CAST: variants seen among roughly 807,000 people sequenced by gnomAD.
CAST encodes the protein MIR583 host.
Under a neutral mutation model 119.6 loss-of-function variants are expected in CAST, and 76 were observed. That is an observed-to-expected ratio of 0.64 (90% CI 0.53 to 0.77). CAST has a LOEUF of 0.77. Among genes scored for constraint, CAST ranks in the 30% least tolerant of loss-of-function variants. CAST has a pLI of 0.00. For missense variants in CAST, 953 were observed against 946.5 expected (o/e 1.01, Z -0.09); for synonymous variants, 319 against 331.6 (o/e 0.96, Z 0.41).
At chr5:96,689,901 A>C (rs985763639) in intron 2 of CAST, among the ~76,000 whole-genome samples, 1 of 152,036 alleles carries the variant, frequency 6.6e-6, no homozygotes, top group African/African-American at 2.4e-5. Flanking sequence ...CTTTTCATTC[A>C]AGATTATATA....
At chr5:96,363,304 A>T in the CAST span, among the ~76,000 whole-genome samples, 2,840 of 148,658 alleles carry the variant, frequency 0.019, 81 homozygotes, top group African/African-American at 0.068. Flanking sequence ...CTTAGGATTG[A>T]CTTGGCAATG....
intron 1 of CAST, among the ~76,000 whole-genome samples, chr5:96,580,274 T>C (rs1022197031): frequency 1.3e-5 from 2 of 152,196 alleles, no homozygotes; most frequent in African/African-American, 4.8e-5. Flanking sequence ...AAAAGTATCG[T>C]AAATCAGAAT....
chr5:96,261,478 G>A, the CAST span, among the ~76,000 whole-genome samples: 2 of 152,162 alleles, frequency 1.3e-5, no homozygotes, highest in Admixed American at 1.3e-4. Context: ...TGATGCAGAA[G>A]GGATGTGCAG....
chr5:96,193,290 A>C, the CAST span, among the ~76,000 whole-genome samples: 1 of 152,184 alleles, frequency 6.6e-6, no homozygotes, highest in Non-Finnish European at 1.5e-5. Context: ...TATATTTACT[A>C]TGATATCATG....
the CAST span, among the ~76,000 whole-genome samples, chr5:96,326,201 G>A: frequency 1.3e-5 from 2 of 152,060 alleles, no homozygotes; most frequent in Non-Finnish European, 2.9e-5. Flanking sequence ...TTCTTCTGGT[G>A]CTGCTGCTTT....
chr5:96,440,679 A>G, the CAST span, among the ~76,000 whole-genome samples: 4 of 152,172 alleles, frequency 2.6e-5, no homozygotes, highest in Non-Finnish European at 4.4e-5. Flanking sequence ...GGGTAGGGCC[A>G]TACATACACA....
At chr5:96,744,843 C>G (rs1236097408) in intron 16 of CAST, among the ~76,000 whole-genome samples, 1 of 152,194 alleles carries the variant, frequency 6.6e-6, no homozygotes, top group Non-Finnish European at 1.5e-5. Flanking sequence ...CCCATGCCTA[C>G]TTGGTATTCC....
the CAST span, among the ~76,000 whole-genome samples, chr5:96,153,046 T>A: frequency 6.6e-6 from 1 of 152,262 alleles, no homozygotes; most frequent in African/African-American, 2.4e-5. Flanking sequence ...ATATCAGACC[T>A]TAAGATAGGC....
chr5:96,127,999 CATG>C, the CAST span, among the ~76,000 whole-genome samples: 5 of 152,088 alleles, frequency 3.3e-5, no homozygotes, highest in Non-Finnish European at 5.9e-5. Flanking sequence ...TGAATAAGGT[CATG>C]ATGAGTTTCT....
chr5:96,329,407 G>A, the CAST span, among the ~76,000 whole-genome samples: 1 of 152,182 alleles, frequency 6.6e-6, no homozygotes, highest in African/African-American at 2.4e-5. Flanking sequence ...GCTCCCTCAG[G>A]AAAAAGCTGA....
the CAST span, among the ~76,000 whole-genome samples, chr5:96,279,858 G>A: frequency 3.7e-3 from 564 of 152,344 alleles, 17 homozygotes; most frequent in Admixed American, 0.034. Flanking sequence ...TCCAAGTTCA[G>A]TGGTCCTAGA....
chr5:96,226,444 A>C, the CAST span, among the ~76,000 whole-genome samples: 2 of 152,246 alleles, frequency 1.3e-5, no homozygotes, highest in South Asian at 4.1e-4. Context: ...TGAGCTCAGG[A>C]GTTCGAGACC....
chr5:95,974,182 A>G, the CAST span, among the ~76,000 whole-genome samples: 1 of 152,188 alleles, frequency 6.6e-6, no homozygotes, highest in East Asian at 1.9e-4. Context: ...CCACCCATTG[A>G]TAACCAGCTT....
At chr5:96,333,258 G>A in the CAST span, among the ~76,000 whole-genome samples, 1 of 152,018 alleles carries the variant, frequency 6.6e-6, no homozygotes, top group South Asian at 2.1e-4. Flanking sequence ...TGTACAGTGT[G>A]TTCCTGGTGG....
the CAST span, among the ~76,000 whole-genome samples, chr5:96,106,149 C>T: frequency 1.1e-3 from 170 of 152,086 alleles, no homozygotes; most frequent in Non-Finnish European, 1.9e-3. Flanking sequence ...GTCTTGCTAG[C>T]GGCCTATCAA....
intron 1 of CAST, among the ~76,000 whole-genome samples, chr5:96,535,564 A>ATTT (rs767087154): frequency 1.2e-4 from 11 of 88,428 alleles, no homozygotes; most frequent in Non-Finnish European, 1.8e-4. Context: ...TAAATAAACA[A>ATTT]TTTTTTTTTT....
At chr5:96,039,302 A>T in the CAST span, among the ~76,000 whole-genome samples, 5 of 151,978 alleles carry the variant, frequency 3.3e-5, no homozygotes, top group African/African-American at 7.3e-5. Flanking sequence ...GATTGCAAAA[A>T]TTTTCTCCCA....
the CAST span, among the ~76,000 whole-genome samples, chr5:96,211,578 G>A: frequency 6.6e-6 from 1 of 152,072 alleles, no homozygotes; most frequent in East Asian, 1.9e-4. Flanking sequence ...GTATTTTCAT[G>A]AGTGATATTG....
At chr5:96,095,015 A>G in the CAST span, among the ~76,000 whole-genome samples, 1 of 152,114 alleles carries the variant, frequency 6.6e-6, no homozygotes, top group Non-Finnish European at 1.5e-5. Flanking sequence ...TTCTCTTACT[A>G]TATTTAGCTG....
Sources: allele counts gnomAD v4.1 joint callset (sites outside exome capture counted in the v4.1 genomes callset), GRCh38; gene constraint gnomAD v4.1.1; transcripts MANE v1.5; gene names NCBI Gene and HGNC (gene_info 2026-07-23, HGNC 2026-07-21).